Variants in EXT1 observed in about 807,000 individuals in gnomAD.
The protein encoded by EXT1 is exostosin glycosyltransferase 1, also known as exostosin-1.
A neutral mutation model predicts 82.5 loss-of-function variants in EXT1; 20 were observed. The ratio of observed to expected loss-of-function variants is 0.24; its 90% CI spans 0.17 to 0.35. The LOEUF is 0.35. EXT1 is among the 10% of genes least tolerant of loss of function. The probability of loss-of-function intolerance (pLI) is 1.00; values close to 1 mark genes in which losing one functional copy is unlikely to be tolerated. For missense variants in EXT1, 757 were observed against 936.5 expected, an observed-to-expected ratio of 0.81 and a Z score of 2.50; for synonymous variants, 348 against 350.8, an observed-to-expected ratio of 0.99 and a Z score of 0.09.
intron 7 of EXT1, 46 bp downstream of exon 7, chr8:117,818,389 C>T: frequency 6.5e-7 from 1 of 1,545,982 alleles, no homozygotes; most frequent in South Asian, 1.1e-5. Flanking sequence ...ATGGAGAAAC[C>T]AAGGCTCCAC....
intron 1 of EXT1, among the ~76,000 whole-genome samples, chr8:117,990,087 C>T (rs552648059): frequency 2.0e-5 from 3 of 152,192 alleles, no homozygotes; most frequent in South Asian, 2.1e-4. Flanking sequence ...GCACGAGAAT[C>T]ACTTGAGCCC....
chr8:117,907,719 C>T lies in EXT1; in HGVS notation c.963-70518G>A, dbSNP rs528657264. On this transcript the variant is annotated intron_variant, in intron 1 of 10. Coordinates refer to ENST00000378204, the MANE Select transcript of EXT1 (RefSeq NM_000127.3). ...AGATTTACTCTCATACCACATTGAA[C>T]TTGGTAAGAATCTATTCTAGGTCTT... Among the ~76,000 whole-genome samples the T allele has an allele frequency of 2.6e-5, 4 of 152,166 alleles. No homozygotes were observed. In the East Asian group the frequency reaches 7.7e-4, roughly 29 times the overall value.
At chr8:118,028,773 T>G (rs1816247825) in intron 1 of EXT1, among the ~76,000 whole-genome samples, 1 of 151,770 alleles carries the variant, frequency 6.6e-6, no homozygotes, top group South Asian at 2.1e-4. Flanking sequence ...AAATACAAAA[T>G]TAGCCGGGTG....
chr8:117,891,646 T>C (rs1813244180), intron 1 of EXT1, among the ~76,000 whole-genome samples: 1 of 152,112 alleles, frequency 6.6e-6, no homozygotes, highest in South Asian at 2.1e-4. Context: ...TGAACACAGT[T>C]GTATGCAGGG....
Position 118,110,164 on chromosome 8 carries a change from G to C in EXT1, c.883C>G (p.Leu295Val). ...HVHNGEDVVL[L>V]TTCKHGKDWQ... ...TCTTTGCCATGCTTGCAGGTGGTGA[G>C]GAGCACAACGTCCTCCCCGTTATGG... is the stretch of plus-strand genomic sequence containing the variant. The change falls in exon 1 of 11, where the codon CTC (leucine) becomes GTC (valine). Residue 295 changes from leucine (L) to valine (V), a missense_variant. Coordinates refer to ENST00000378204, the MANE Select transcript of EXT1 (RefSeq NM_000127.3). The C allele has an allele frequency of 1.2e-6, 2 of 1,614,184 alleles. No individual in the cohort carries two copies. The highest frequency in any genetic ancestry group is 1.7e-6 in the Non-Finnish European group (2 of 1,180,032).
chr8:117,856,300 G>T (rs1812556709), intron 1 of EXT1, among the ~76,000 whole-genome samples: 1 of 150,788 alleles, frequency 6.6e-6, no homozygotes, highest in South Asian at 2.1e-4. Flanking sequence ...TGTTGCCCAG[G>T]CTGGAGTGCA....
intron 1 of EXT1, among the ~76,000 whole-genome samples, chr8:117,843,265 C>T (rs1204472333): frequency 1.3e-5 from 2 of 152,150 alleles, no homozygotes; most frequent in Middle Eastern, 3.2e-3. Context: ...GTCAGGCACT[C>T]TTCAGGGAGC....
chr8:117,966,999 G>A (rs184719936), intron 1 of EXT1, among the ~76,000 whole-genome samples: 34 of 152,260 alleles, frequency 2.2e-4, no homozygotes, highest in African/African-American at 5.8e-4. Context: ...CCCTAAGTAC[G>A]TTTTAAACAA....
intron 1 of EXT1, among the ~76,000 whole-genome samples, chr8:117,970,527 A>C (rs1480803815): frequency 6.6e-6 from 1 of 152,018 alleles, no homozygotes; most frequent in East Asian, 1.9e-4. Flanking sequence ...GGCTGGTCTC[A>C]AACTCCTGAC....
intron 1 of EXT1, among the ~76,000 whole-genome samples, chr8:117,944,278 T>A (rs1378324998): frequency 6.6e-6 from 1 of 152,160 alleles, no homozygotes; most frequent in Non-Finnish European, 1.5e-5. Context: ...CGGGCACATG[T>A]AATTCCAGCT....
At chr8:117,877,015 C>T (rs1812983280) in intron 1 of EXT1, among the ~76,000 whole-genome samples, 2 of 152,164 alleles carry the variant, frequency 1.3e-5, no homozygotes, top group Admixed American at 1.3e-4. Context: ...CAGAGAACCC[C>T]TGGATGTGCC....
intron 4 of EXT1, among the ~76,000 whole-genome samples, chr8:117,827,601 G>A (rs1266551625): frequency 6.6e-6 from 1 of 151,868 alleles, no homozygotes; most frequent in African/African-American, 2.4e-5. Context: ...GATCACTTGA[G>A]GTCAGGGGTT....
intron 1 of EXT1, among the ~76,000 whole-genome samples, chr8:117,956,226 C>T (rs957151343): frequency 6.6e-6 from 1 of 151,134 alleles, no homozygotes; most frequent in Non-Finnish European, 1.5e-5. Context: ...ACAGGAGGCC[C>T]TTGGCACGGG....
chr8:117,881,786 G>T (rs1344209537), intron 1 of EXT1, among the ~76,000 whole-genome samples: 1 of 152,186 alleles, frequency 6.6e-6, no homozygotes, highest in Admixed American at 6.5e-5. Flanking sequence ...GGTTGGCAGT[G>T]ATTTTGTGGT....
chr8:117,971,033 T>G (rs1267657607), intron 1 of EXT1, among the ~76,000 whole-genome samples: 2 of 152,240 alleles, frequency 1.3e-5, no homozygotes, highest in Non-Finnish European at 2.9e-5. Context: ...CCCATTCCCT[T>G]CAGGGGCACT....
intron 1 of EXT1, among the ~76,000 whole-genome samples, chr8:118,072,253 A>G (rs565385088): frequency 6.6e-6 from 1 of 152,314 alleles, no homozygotes; most frequent in East Asian, 1.9e-4. Flanking sequence ...GTTTACTATT[A>G]CCATGGCTTC....
intron 1 of EXT1, among the ~76,000 whole-genome samples, chr8:117,986,642 CAAT>C (rs972472700): frequency 1.7e-4 from 26 of 152,302 alleles, no homozygotes; most frequent in Admixed American, 1.0e-3. Flanking sequence ...TTCAAATTAA[CAAT>C]GAGATTTAAA....
chr8:118,092,367 C>T (rs1287010666), intron 1 of EXT1, among the ~76,000 whole-genome samples: 1 of 152,138 alleles, frequency 6.6e-6, no homozygotes, highest in Non-Finnish European at 1.5e-5. Flanking sequence ...TTACTAAGCA[C>T]CTATCAAGCA....
chr8:118,105,461 A>G (rs1311286544), intron 1 of EXT1, among the ~76,000 whole-genome samples: 1 of 152,236 alleles, frequency 6.6e-6, no homozygotes, highest in Non-Finnish European at 1.5e-5. Flanking sequence ...TTCAGTAATA[A>G]TACAAATGTC....
Sources: allele counts gnomAD v4.1 joint callset (sites outside exome capture counted in the v4.1 genomes callset), GRCh38; gene constraint gnomAD v4.1.1; transcripts MANE v1.5; gene names NCBI Gene and HGNC (gene_info 2026-07-23, HGNC 2026-07-21).